The following USO1 variants were observed in gnomAD, a reference collection of about 807,000 sequenced individuals.
USO1 encodes the protein USO1 vesicle transport factor, also known as general vesicular transport factor p115.
A neutral mutation model predicts 124.5 loss-of-function variants in USO1; 57 were observed. That is an observed-to-expected ratio of 0.46 (90% confidence interval 0.37 to 0.57). The LOEUF is 0.57. Ranked by LOEUF, USO1 falls within the 20% of genes least tolerant of loss-of-function variation. USO1 has a pLI of 0.00. For synonymous variants in USO1, 369 were observed against 362.8 expected (o/e 1.02, Z -0.19); for missense variants, 900 against 1,040.6 (o/e 0.86, Z 1.86).
intron 1 of USO1, among the ~76,000 whole-genome samples, chr4:75,732,222 A>T (rs1378669965): frequency 6.6e-6 from 1 of 150,912 alleles, no homozygotes; most frequent in African/African-American, 2.4e-5. Context: ...GTGCTTACTC[A>T]TTGTTTAGCT....
rs532433570 is a variant in USO1 at position 75,777,015 on chromosome 4, G to T, written c.676+2219G>T. 4.3e-4 allele frequency among the ~76,000 whole-genome samples: 66 copies of T among 152,122 alleles called. 1 individual carries two copies. In the South Asian group the frequency reaches 0.014, roughly 31 times the overall value. On this transcript the variant is annotated intron_variant, in intron 8 of 23. Coordinates refer to ENST00000514213, the MANE Select transcript of USO1 (RefSeq NM_003715.4). ...TCATCATCTTCCTTGCATACATCAC[G>T]CCTATAATATATCATGTAGGATTTG...
At chr4:75,796,341 CT>C (rs533041107) in intron 13 of USO1, among the ~76,000 whole-genome samples, 38 of 102,018 alleles carry the variant, frequency 3.7e-4, no homozygotes, top group Admixed American at 7.5e-4. Flanking sequence ...CCATCATGCT[CT>C]TTTTTTTTTT....
chr4:75,811,411 C>A (rs1577978621), intron 22 of USO1, among the ~76,000 whole-genome samples: 1 of 152,074 alleles, frequency 6.6e-6, no homozygotes, highest in African/African-American at 2.4e-5. Flanking sequence ...CCGCATTGGC[C>A]CCCCCCAAAG....
At chr4:75,735,312 G>C (rs1242132274) in intron 1 of USO1, among the ~76,000 whole-genome samples, 2 of 152,066 alleles carry the variant, frequency 1.3e-5, no homozygotes, top group Non-Finnish European at 2.9e-5. Flanking sequence ...TATTGAAGTC[G>C]TTTATCAGCT....
rs115542969 is a variant in USO1, at chr4:75,801,397, A to G, written c.1986+197A>G. Among the ~76,000 whole-genome samples, 1,665 of 152,352 alleles carry G rather than the reference A, an allele frequency of 0.011. 11 individuals are homozygous for G. The highest frequency in any genetic ancestry group is 0.016 in the Admixed American group (240 of 15,308). ...CATGCAGCTGATTTATTAGATAATGATGAGTGGATAAAGATGAAACTACAA... is the reference window on the plus strand; with the variant it reads ...CATGCAGCTGATTTATTAGATAATGGTGAGTGGATAAAGATGAAACTACAA... On this transcript the variant is annotated intron_variant, in intron 17 of 23. Coordinates refer to ENST00000514213, the MANE Select transcript of USO1 (RefSeq NM_003715.4).
In USO1 at chr4:75,748,440, C is replaced by T. The variant is rs1369931407; in HGVS notation, c.67-3933C>T. On this transcript the variant is annotated intron_variant, in intron 1 of 23. Coordinates refer to ENST00000514213, the MANE Select transcript of USO1 (RefSeq NM_003715.4). ...CTGAGCTCAGGCAATCCACCCCTCT[C>T]AGCCTCCCAAAGTGCTGGGATTACA... 2.0e-5 allele frequency among the ~76,000 whole-genome samples: 3 copies of T among 152,078 alleles called. No homozygotes were observed. In the East Asian group the frequency reaches 5.8e-4, roughly 29 times the overall value.
chr4:75,809,530 T>G (rs1244055914), intron 21 of USO1, among the ~76,000 whole-genome samples: 2 of 152,206 alleles, frequency 1.3e-5, no homozygotes, highest in East Asian at 1.9e-4. Context: ...ACACTTTGCT[T>G]AGAAACCTCA....
At chr4:75,759,312 G>A (rs2149160228) in intron 4 of USO1, among the ~76,000 whole-genome samples, 1 of 126,968 alleles carries the variant, frequency 7.9e-6, no homozygotes, top group East Asian at 2.6e-4. Flanking sequence ...GTAGACATTG[G>A]GCTGGGCGCG....
chr4:75,745,728 C>A (rs1215484565), intron 1 of USO1, among the ~76,000 whole-genome samples: 1 of 151,948 alleles, frequency 6.6e-6, no homozygotes, highest in Non-Finnish European at 1.5e-5. Flanking sequence ...GGTGAAACCC[C>A]GTTTCTACTA....
intron 10 of USO1, among the ~76,000 whole-genome samples, chr4:75,789,282 C>CTGTTGCTGT (rs35483241): frequency 6.6e-6 from 1 of 151,442 alleles, no homozygotes; most frequent in Non-Finnish European, 1.5e-5. Context: ...TTTTGTGTTG[C>CTGTTGCTGT]TGTTGTTGTT....
rs527492185 is a variant in USO1, at chr4:75,793,995, C to T, written c.1452+94C>T. 41 of 1,519,826 alleles carry T rather than the reference C, an allele frequency of 2.7e-5. No homozygotes were observed. The African/African-American group carries it at 5.3e-4, about 19-fold the overall frequency. 94.1% of individuals were successfully genotyped at this position (1,519,826 alleles called of 1,614,324 possible). On this transcript the variant is annotated intron_variant, in intron 13 of 23. Transcript: ENST00000514213. The stretch of plus-strand genomic sequence containing the variant: ...TTTAGAAGATGCAGATGAAAAAGGA[C>T]AGAGAAGACTTATTCTGTTTATTAG...
intron 1 of USO1, among the ~76,000 whole-genome samples, chr4:75,728,635 A>G (rs1278852034): frequency 6.6e-6 from 1 of 152,188 alleles, no homozygotes; most frequent in African/African-American, 2.4e-5. Flanking sequence ...CCTGGGCGAG[A>G]GAGCGAGACT....
rs755184848 is a variant in USO1 at position 75,774,809 on chromosome 4, G to A, written c.676+13G>A. 3 of 1,610,650 alleles carry A rather than the reference G, an allele frequency of 1.9e-6. No individual in the cohort carries two copies. In the Admixed American group the frequency reaches 5.0e-5, roughly 27 times the overall value. On this transcript the variant is annotated intron_variant, in intron 8 of 23. Coordinates refer to ENST00000514213, the MANE Select transcript of USO1 (RefSeq NM_003715.4). ...AACAGTGATGGAGGTATAGTATGAA[G>A]AAATTATTTGAAGACATTCCTTTTG...
intron 20 of USO1, among the ~76,000 whole-genome samples, chr4:75,807,236 G>A (rs1314600526): frequency 6.6e-6 from 1 of 152,108 alleles, no homozygotes; most frequent in Non-Finnish European, 1.5e-5. Context: ...ATTAAATAAT[G>A]TAGCAATTGG....
chr4:75,726,427 T>A (rs370433323), intron 1 of USO1, among the ~76,000 whole-genome samples: 2 of 152,154 alleles, frequency 1.3e-5, no homozygotes, highest in East Asian at 1.9e-4. Context: ...TTGGGAACTT[T>A]ATATAGTATT....
chr4:75,776,588 A>G (rs1722077257), intron 8 of USO1, among the ~76,000 whole-genome samples: 1 of 152,186 alleles, frequency 6.6e-6, no homozygotes, highest in Admixed American at 6.5e-5. Context: ...TTTGTAAGTG[A>G]TAGTGGCCAT....
intron 1 of USO1, among the ~76,000 whole-genome samples, chr4:75,749,961 G>C (rs1358591758): frequency 6.6e-6 from 1 of 152,012 alleles, no homozygotes; most frequent in Non-Finnish European, 1.5e-5. Flanking sequence ...CATCATGTTA[G>C]CCAGCATGGT....
chr4:75,786,497 T>C (rs1263780316), intron 9 of USO1, among the ~76,000 whole-genome samples: 2 of 152,230 alleles, frequency 1.3e-5, no homozygotes, highest in Non-Finnish European at 2.9e-5. Context: ...TTCATGTTTC[T>C]GAAATTTTAT....
At chr4:75,761,654 G>A (rs930117499) in intron 4 of USO1, among the ~76,000 whole-genome samples, 1 of 151,904 alleles carries the variant, frequency 6.6e-6, no homozygotes, top group Non-Finnish European at 1.5e-5. Context: ...TCTCTTTTAA[G>A]TTTCATTTAC....
Sources: gnomAD v4.1 joint callset for allele counts (sites outside exome capture counted in the v4.1 genomes callset) on GRCh38, gnomAD v4.1.1 for gene constraint, MANE v1.5 for transcripts, NCBI Gene and HGNC (gene_info 2026-07-23, HGNC 2026-07-21) for gene names.